The following GRIN1 variants were observed in gnomAD, a reference collection of about 807,000 sequenced individuals.
The protein encoded by GRIN1 is glutamate receptor ionotropic, NMDA 1.
Under a neutral mutation model 103.0 loss-of-function variants are expected in GRIN1, and 38 were observed. The ratio of observed to expected loss-of-function variants is 0.37; its 90% CI spans 0.28 to 0.48. The LOEUF (loss-of-function observed/expected upper bound fraction) is 0.48, where lower values mean the gene tolerates loss of function less well. Ranked by LOEUF, GRIN1 falls within the 20% of genes least tolerant of loss-of-function variation. The probability of loss-of-function intolerance (pLI) is 0.98; values close to 1 mark genes in which losing one functional copy is unlikely to be tolerated. For missense variants in GRIN1, 577 were observed against 1,288.9 expected (o/e 0.45, Z 8.46); for synonymous variants, 544 against 532.7 (o/e 1.02, Z -0.29).
At position 137,167,979 on chromosome 9, in the gene GRIN1, C is replaced by T; in HGVS notation, c.*452C>T. On this transcript the variant is annotated 3_prime_UTR_variant, in exon 20 of 20. Coordinates refer to ENST00000371561, the MANE Select transcript of GRIN1 (RefSeq NM_007327.4). Reference sequence around the variant, plus strand: ...GGCCTCCCGTCCGTCCGCCCGCCCACCCCGCTGCCTGGCGGGCAGCCCCTG... The same window carrying T: ...GGCCTCCCGTCCGTCCGCCCGCCCATCCCGCTGCCTGGCGGGCAGCCCCTG... The T allele has an allele frequency of 3.8e-6, 3 of 794,590 alleles. No homozygotes were observed. Among genetic ancestry groups the T allele is most frequent in the Non-Finnish European group, 2.1e-6 (1 of 475,116 alleles). The allele number at this position is 794,590 out of a possible 1,614,324, so 49.2% of individuals were successfully genotyped here. A position where few individuals can be genotyped will look rare whatever the true frequency, so the allele number is the denominator to read the frequency against.
chr9:137,165,958 C>T (rs771710236), intron 19 of GRIN1, among the ~76,000 whole-genome samples: 14 of 152,216 alleles, frequency 9.2e-5, no homozygotes, highest in East Asian at 1.9e-4. Flanking sequence ...GAACTGGCCC[C>T]GGCCACAGGG....
intron 8 of GRIN1, 138 bp from the exon 9 acceptor site, chr9:137,160,918 G>A (rs1833500112): frequency 9.2e-6 from 10 of 1,088,296 alleles, no homozygotes; most frequent in South Asian, 5.4e-5. Context: ...GGCAGTGGCC[G>A]GCGGCGCAGG....
intron 2 of GRIN1, among the ~76,000 whole-genome samples, chr9:137,145,481 G>A (rs1201613761): frequency 7.9e-6 from 1 of 127,166 alleles, no homozygotes; most frequent in Non-Finnish European, 1.6e-5. Context: ...GTCCCCAGCG[G>A]GGTGGGGACA....
At chr9:137,148,873 G>A (rs1004742813) in intron 3 of GRIN1, 136 bp from the exon 4 acceptor site, 22 of 706,016 alleles carry the variant, frequency 3.1e-5, no homozygotes, top group African/African-American at 1.6e-4. Context: ...AGGCGGAGGC[G>A]CAGGTGGCAG....
At position 137,161,115 on chromosome 9, in the gene GRIN1, A is replaced by C. The variant is rs201557285; in HGVS notation, c.1257A>C (p.Thr419=). Residue 419 remains threonine, a synonymous_variant, in exon 9 of 20, where the codon ACA becomes ACC. Coordinates refer to ENST00000371561, the MANE Select transcript of GRIN1 (RefSeq NM_007327.4). ...TCAAGCCCACGCTGAGTGATGGGAC[A>C]TGCAAGGAGGAGTTCACAGTCAACG... ...VYVKPTLSDG[T]CKEEFTVNGD... is the part of the protein sequence containing the mutation. 1.2e-6 allele frequency: 2 copies of C among 1,612,906 alleles called. No homozygotes were observed. Among genetic ancestry groups the C allele is most frequent in the Non-Finnish European group, 1.7e-6 (2 of 1,179,902 alleles).
intron 2 of GRIN1, among the ~76,000 whole-genome samples, chr9:137,142,599 C>G (rs1374180226): frequency 6.6e-6 from 1 of 152,232 alleles, no homozygotes; most frequent in Non-Finnish European, 1.5e-5. Context: ...GGCACAGGCA[C>G]CAGTGACACC....
At chr9:137,151,899 CTT>C (rs138380793) in intron 4 of GRIN1, among the ~76,000 whole-genome samples, 24,480 of 92,952 alleles carry the variant, frequency 0.26, 2,813 homozygotes, top group Non-Finnish European at 0.32. Context: ...CTTGTGGCCT[CTT>C]TTTTTTTTTT....
intron 14 of GRIN1, 27 bp downstream of exon 14, chr9:137,162,766 G>A: frequency 6.2e-7 from 1 of 1,601,604 alleles, no homozygotes; most frequent in Non-Finnish European, 8.5e-7. Context: ...CTGGGGGAGG[G>A]AATGCGAGGT....
chr9:137,147,656 A>G (rs960743639), intron 3 of GRIN1, among the ~76,000 whole-genome samples: 1 of 152,200 alleles, frequency 6.6e-6, no homozygotes, highest in Non-Finnish European at 1.5e-5. Flanking sequence ...CGCATATGCG[A>G]GCCGAAGGGC....
intron 3 of GRIN1, chr9:137,148,275 G>A: frequency 9.3e-7 from 1 of 1,072,002 alleles, no homozygotes; most frequent in Non-Finnish European, 1.4e-6. Context: ...CGGCGCCTCG[G>A]CCACTAGGGC....
At position 137,139,881 on chromosome 9, in the gene GRIN1, G is replaced by A; in HGVS notation, c.258+137G>A. The A allele has an allele frequency of 1.4e-6, 1 of 732,662 alleles. No homozygotes were observed. Among genetic ancestry groups the A allele is most frequent in the East Asian group, 2.7e-5 (1 of 37,444 alleles). 45.4% of individuals were successfully genotyped at this position (732,662 alleles called of 1,614,324 possible). A position where few individuals can be genotyped will look rare whatever the true frequency, so the allele number is the denominator to read the frequency against. On this transcript the variant is annotated intron_variant, in intron 1 of 19. Transcript: ENST00000371561. This position sits in a 1 kb window ranked among gnomAD's most constrained non-coding sequence, Gnocchi z 7.7. ...CCCAGAGTCAGCTGGCTGCTTCCGG[G>A]AGGCCTCGTCTCACTAGGAACCAAA... is the stretch of plus-strand genomic sequence containing the variant.
At chr9:137,157,128 G>A in intron 6 of GRIN1, 91 bp downstream of exon 6, 1 of 1,104,810 alleles carries the variant, frequency 9.1e-7, no homozygotes, top group Non-Finnish European at 1.3e-6. Flanking sequence ...TCTTGGGGAG[G>A]TGGGCGGGGC....
At chr9:137,163,129 G>A in intron 15 of GRIN1, 40 bp from the exon 16 acceptor site, 1 of 1,608,078 alleles carries the variant, frequency 6.2e-7, no homozygotes, top group African/African-American at 1.3e-5. Context: ...CTTCCAGGCT[G>A]GCAGGACCAA....
In GRIN1 at chr9:137,158,918, G is replaced by A. The variant is rs1019225788; in HGVS notation, c.1197+214G>A. Reference sequence around the variant, plus strand: ...GAGAGGAAGCTGCCCCCATCCCACAGGGGGTCTCCAGTGCCCCTCTTGACC... The same window carrying A: ...GAGAGGAAGCTGCCCCCATCCCACAAGGGGTCTCCAGTGCCCCTCTTGACC... On this transcript the variant is annotated intron_variant, in intron 8 of 19. Transcript: ENST00000371561. 1.3e-5 allele frequency among the ~76,000 whole-genome samples: 2 copies of A among 152,200 alleles called. 1 individual carries two copies. The highest frequency in any genetic ancestry group is 1.3e-4 in the Admixed American group (2 of 15,278).
In GRIN1 at chr9:137,162,386, G is replaced by A. The variant is rs1241178465; in HGVS notation, c.1752-18G>A. 4 of 1,554,026 alleles carry A rather than the reference G, an allele frequency of 2.6e-6. No individual in the cohort carries two copies. The highest frequency in any genetic ancestry group is 1.7e-5 in the Admixed American group (1 of 58,868). On this transcript the variant is annotated intron_variant, in intron 12 of 19. Coordinates refer to ENST00000371561, the MANE Select transcript of GRIN1 (RefSeq NM_007327.4). ...GCCTCTCCCGCCCTCTCTCCCGCCC[G>A]CCCTCTGCGCCCCGCAGCCCCTTCG...
rs372138167 is a variant in GRIN1 at position 137,163,812 on chromosome 9, A to C, written c.2497A>C (p.Ile833Leu). 1.2e-6 allele frequency: 2 copies of C among 1,613,508 alleles called. No homozygotes were observed. Among genetic ancestry groups the C allele is most frequent in the African/African-American group, 2.7e-5 (2 of 75,044 alleles). ...GIVAGIFLIF[I>L]EIAYKRHKDA... ...CGTGGCCGGGATCTTCCTGATTTTC[A>C]TCGAGATTGCCTACAAGCGGCACAA... The change falls in exon 18 of 20, where the codon ATC becomes CTC. Residue 833 changes from isoleucine to leucine, a missense_variant. Ile to Leu is a conservative substitution (Grantham distance 5). Coordinates refer to ENST00000371561, the MANE Select transcript of GRIN1 (RefSeq NM_007327.4).
At chr9:137,142,261 C>A in intron 2 of GRIN1, 114 bp downstream of exon 2, 1 of 1,011,172 alleles carries the variant, frequency 9.9e-7, no homozygotes, top group Non-Finnish European at 1.5e-6. Context: ...CACAAACAGC[C>A]ACACAGCTCC....
Position 137,163,684 on chromosome 9 carries a change from T to A in GRIN1, c.2443+16T>A, listed in dbSNP as rs771579169. The stretch of plus-strand genomic sequence containing the variant: ...AACATGGCCGGTGCGTTCTCCTTCA[T>A]CCATTCTCGGGTGGGTTCTCCGTGG... On this transcript the variant is annotated intron_variant, in intron 17 of 19. Transcript: ENST00000371561. 1.2e-6 allele frequency: 2 copies of A among 1,612,944 alleles called. No homozygotes were observed. The highest frequency in any genetic ancestry group is 4.5e-5 in the East Asian group (2 of 44,878).
At chr9:137,151,163 A>G (rs1415258891) in intron 4 of GRIN1, among the ~76,000 whole-genome samples, 1 of 143,706 alleles carries the variant, frequency 7.0e-6, no homozygotes, top group African/African-American at 2.6e-5. Flanking sequence ...CCGCCCAGGG[A>G]AAGCCCCGCC....
Sources: gnomAD v4.1 joint callset for allele counts (sites outside exome capture counted in the v4.1 genomes callset) on GRCh38, gnomAD v4.1.1 for gene constraint, Gnocchi (gnomAD v3.1) non-coding constraint, MANE v1.5 for transcripts, NCBI Gene and HGNC (gene_info 2026-07-23, HGNC 2026-07-21) for gene names.